Variants in FBXW8 observed in about 807,000 individuals in gnomAD.
FBXW8 encodes F-box/WD repeat-containing protein 8.
In FBXW8, 57 loss-of-function variants were observed where a neutral mutation model predicts 65.3. The observed-to-expected ratio is 0.87, with a 90% CI of 0.71 to 1.09. The LOEUF (loss-of-function observed/expected upper bound fraction) is 1.09. FBXW8 is among the 50% of genes least tolerant of loss of function. The pLI, the probability that FBXW8 is intolerant of heterozygous loss-of-function variation, is 0.00. For synonymous variants in FBXW8, 308 were observed against 330.2 expected, an observed-to-expected ratio of 0.93 and a Z score of 0.73; for missense variants, 777 against 814.8, an observed-to-expected ratio of 0.95 and a Z score of 0.57.
At chr12:116,964,972 T>C in intron 5 of FBXW8, 118 bp downstream of exon 5, 13 of 1,008,164 alleles carry the variant, frequency 1.3e-5, no homozygotes, top group Non-Finnish European at 1.8e-5. Context: ...CACACACACA[T>C]GTTCACACAC....
chr12:117,027,196 C>T (rs1357453205), intron 9 of FBXW8, among the ~76,000 whole-genome samples, 198 bp from the exon 10 acceptor site: 1 of 152,186 alleles, frequency 6.6e-6, no homozygotes. Flanking sequence ...AAAGTCATGC[C>T]CAAAGCGTGG....
intron 5 of FBXW8, chr12:116,977,672 GAACAC>G (rs1001415759): frequency 6.6e-6 from 1 of 152,068 alleles, no homozygotes; most frequent in African/African-American, 2.4e-5. Context: ...CGGTTATAGA[GAACAC>G]TGGCCTCAGT....
intron 6 of FBXW8, chr12:116,985,765 A>G: frequency 5.5e-6 from 1 of 181,550 alleles, no homozygotes; most frequent in East Asian, 1.5e-4. Flanking sequence ...TTGACCTAAT[A>G]TATAAGTGAG....
Position 116,936,209 on chromosome 12 carries a change from C to G in FBXW8, c.423+8082C>G, listed in dbSNP as rs934030859. 4.6e-5 allele frequency among the ~76,000 whole-genome samples: 7 copies of G among 152,158 alleles called. No homozygotes were observed. The highest frequency in any genetic ancestry group is 1.7e-4 in the African/African-American group (7 of 41,418). ...GAGGGGTGAAGGACACTGTGCAGAT[C>G]TCTGGCAGAGTGGAATAGCAAGGAC... On this transcript the variant is annotated intron_variant, in intron 2 of 10. Transcript: ENST00000652555. This position sits in a 1 kb window ranked among gnomAD's most constrained non-coding sequence, Gnocchi z 4.6.
At chr12:116,977,253 G>C (rs549972651) in intron 5 of FBXW8, among the ~76,000 whole-genome samples, 7 of 152,220 alleles carry the variant, frequency 4.6e-5, no homozygotes, top group African/African-American at 1.7e-4. Flanking sequence ...GGAATTAATT[G>C]ATAGTATAAT....
At chr12:116,941,094 G>A (rs949334801) in intron 2 of FBXW8, among the ~76,000 whole-genome samples, 3 of 152,230 alleles carry the variant, frequency 2.0e-5, no homozygotes, top group African/African-American at 4.8e-5. Flanking sequence ...GGTAGAATGA[G>A]TTTTCTAGAC....
At chr12:117,003,813 T>G (rs1221627606) in intron 7 of FBXW8, among the ~76,000 whole-genome samples, 2 of 152,244 alleles carry the variant, frequency 1.3e-5, no homozygotes, top group Non-Finnish European at 2.9e-5. Flanking sequence ...AGTCTGTCAT[T>G]CTCTTTTAGG....
chr12:116,918,802 T>C (rs1880641069), intron 1 of FBXW8, among the ~76,000 whole-genome samples: 1 of 152,140 alleles, frequency 6.6e-6, no homozygotes. Context: ...GAAGTGGATG[T>C]TGGGCAGGAA....
chr12:117,010,275 G>A (rs778447908), intron 7 of FBXW8, 48 bp from the exon 8 acceptor site: 1 of 1,613,198 alleles, frequency 6.2e-7, no homozygotes, highest in South Asian at 1.1e-5. Context: ...TTTGATGTCG[G>A]CCTGGTGTGT....
chr12:116,995,608 A>G (rs935171083), intron 7 of FBXW8, among the ~76,000 whole-genome samples: 2 of 152,226 alleles, frequency 1.3e-5, no homozygotes, highest in African/African-American at 4.8e-5. Flanking sequence ...GTATGTAGGA[A>G]GAAGGGCTGC....
At chr12:117,000,925 T>A (rs529056919) in intron 7 of FBXW8, among the ~76,000 whole-genome samples, 1 of 152,246 alleles carries the variant, frequency 6.6e-6, no homozygotes, top group Non-Finnish European at 1.5e-5. Flanking sequence ...CGAGCTGCGC[T>A]CCACCTAGTG....
At chr12:116,956,961 C>A (rs896807407) in intron 4 of FBXW8, among the ~76,000 whole-genome samples, 1 of 151,368 alleles carries the variant, frequency 6.6e-6, no homozygotes, top group Non-Finnish European at 1.5e-5. Flanking sequence ...GAGTGAGACT[C>A]CATCTCCAAA....
At chr12:116,954,877 C>T (rs1883535542) in intron 4 of FBXW8, among the ~76,000 whole-genome samples, 1 of 152,160 alleles carries the variant, frequency 6.6e-6, no homozygotes, top group Admixed American at 6.5e-5. Flanking sequence ...CCTTCCTCCC[C>T]GTCTAACCTC....
chr12:116,966,500 G>A (rs903343846), intron 5 of FBXW8, among the ~76,000 whole-genome samples: 13 of 152,114 alleles, frequency 8.5e-5, no homozygotes, highest in East Asian at 1.9e-4. Context: ...TGCGGTGGTC[G>A]TGCTGTTTGT....
rs527809543 is a variant in FBXW8, at chr12:116,946,728, G to A, written c.588+1200G>A. Among the ~76,000 whole-genome samples the A allele has an allele frequency of 1.4e-4, 21 of 152,074 alleles. No homozygotes were observed. In the South Asian group the frequency reaches 4.0e-3, roughly 29 times the overall value. On this transcript the variant is annotated intron_variant, in intron 3 of 10. Transcript: ENST00000652555. ...TCCATCCACCTACGGTAATAAACTC[G>A]TCTGGAGGGAGCCCCCAGTCCCTCT...
intron 5 of FBXW8, among the ~76,000 whole-genome samples, chr12:116,965,934 T>TTC: frequency 1.3e-5 from 2 of 151,014 alleles, no homozygotes; most frequent in East Asian, 1.9e-4. Context: ...AATTTTTTTT[T>TTC]TTTTTTTTTT....
At chr12:117,027,345 G>A (rs1162483856) in intron 9 of FBXW8, 49 bp from the exon 10 acceptor site, 1 of 1,424,354 alleles carries the variant, frequency 7.0e-7, no homozygotes, top group Non-Finnish European at 9.9e-7. Context: ...GGCAGCAAGT[G>A]CAGGCCCAGT....
At chr12:117,026,218 C>T (rs1954223349) in intron 9 of FBXW8, among the ~76,000 whole-genome samples, 1 of 152,154 alleles carries the variant, frequency 6.6e-6, no homozygotes, top group South Asian at 2.1e-4. Flanking sequence ...CCAAGCCTGC[C>T]CTCCCTCCCC....
chr12:116,931,280 T>C (rs1881751565), intron 2 of FBXW8, among the ~76,000 whole-genome samples: 1 of 152,264 alleles, frequency 6.6e-6, no homozygotes, highest in African/African-American at 2.4e-5. Context: ...TGTACATTGC[T>C]ATAGCTTTGT....
Sources: gnomAD v4.1 joint callset for allele counts (sites outside exome capture counted in the v4.1 genomes callset) on GRCh38, gnomAD v4.1.1 for gene constraint, Gnocchi (gnomAD v3.1) non-coding constraint, MANE v1.5 for transcripts, NCBI Gene and HGNC (gene_info 2026-07-23, HGNC 2026-07-21) for gene names.